Variants in HTR4 observed in about 807,000 individuals in gnomAD.
HTR4 encodes 5-hydroxytryptamine receptor 4, also known as 5-hydroxytryptamine (serotonin) receptor 4, G protein-coupled.
In HTR4, 16 loss-of-function variants were observed where a neutral mutation model predicts 36.8. The ratio of observed to expected loss-of-function variants is 0.43; its 90% CI spans 0.29 to 0.66. The LOEUF is 0.66. Ranked by LOEUF, HTR4 falls within the 30% of genes least tolerant of loss-of-function variation. HTR4 has a pLI of 0.13. For missense variants in HTR4, 438 were observed against 490.9 expected (o/e 0.89, Z 1.02); for synonymous variants, 189 against 185.1 (o/e 1.02, Z -0.17).
intron 2 of HTR4, among the ~76,000 whole-genome samples, chr5:148,611,178 G>A (rs1451839806): frequency 1.9e-4 from 27 of 143,712 alleles, no homozygotes; most frequent in Admixed American, 1.3e-3. Flanking sequence ...TACAGAGAAC[G>A]CCACAAAGAT....
intron 4 of HTR4, among the ~76,000 whole-genome samples, chr5:148,528,225 G>A (rs1312472072): frequency 6.6e-6 from 1 of 152,190 alleles, no homozygotes; most frequent in East Asian, 1.9e-4. Flanking sequence ...ACTGAATTAT[G>A]TCTAGGTATA....
At chr5:148,510,723 A>C (rs1308157359) in intron 5 of HTR4, among the ~76,000 whole-genome samples, 2 of 152,228 alleles carry the variant, frequency 1.3e-5, no homozygotes, top group African/African-American at 4.8e-5. Context: ...GGGGGATGCC[A>C]TGGGGCACTT....
intron 2 of HTR4, among the ~76,000 whole-genome samples, chr5:148,559,637 C>T (rs548184094): frequency 9.9e-5 from 15 of 152,182 alleles, no homozygotes; most frequent in East Asian, 1.9e-4. Context: ...AATAAAACTC[C>T]GATGGACAAT....
At chr5:148,489,455 T>C (rs1242465524) in intron 6 of HTR4, among the ~76,000 whole-genome samples, 2 of 152,062 alleles carry the variant, frequency 1.3e-5, no homozygotes, top group Non-Finnish European at 2.9e-5. Flanking sequence ...GTCAGGTACA[T>C]AAAGAATACT....
intron 2 of HTR4, among the ~76,000 whole-genome samples, chr5:148,587,153 T>G (rs1036529839): frequency 6.6e-6 from 1 of 152,196 alleles, no homozygotes; most frequent in Non-Finnish European, 1.5e-5. Context: ...GTGCAATTTC[T>G]TCAGCTGCTA....
rs114138283 is a variant in HTR4, at chr5:148,600,434, T to C, written c.26+36555A>G. 5.1e-3 allele frequency among the ~76,000 whole-genome samples: 770 copies of C among 150,570 alleles called. 6 individuals are homozygous for C. Among genetic ancestry groups the C allele is most frequent in the African/African-American group, 0.017 (704 of 41,260 alleles). On this transcript the variant is annotated intron_variant, in intron 2 of 6. Coordinates refer to ENST00000377888, the MANE Select transcript of HTR4 (RefSeq NM_000870.7). The stretch of plus-strand genomic sequence containing the variant: ...ACTAGGCTTATTTCAACAGGACTGA[T>C]AGGGATGACATATTCCTATATGTAG...
intron 4 of HTR4, among the ~76,000 whole-genome samples, chr5:148,538,563 C>T (rs1226332569): frequency 6.6e-6 from 1 of 152,102 alleles, no homozygotes; most frequent in Non-Finnish European, 1.5e-5. Flanking sequence ...AAATCACTAG[C>T]ATTCCTATAT....
intron 4 of HTR4, among the ~76,000 whole-genome samples, chr5:148,538,005 A>G (rs1202385918): frequency 6.6e-6 from 1 of 152,184 alleles, no homozygotes; most frequent in Non-Finnish European, 1.5e-5. Context: ...AACTGAATCC[A>G]GCAGCACATC....
intron 1 of HTR4, among the ~76,000 whole-genome samples, chr5:148,639,022 G>T (rs529181237): frequency 2.6e-5 from 4 of 151,934 alleles, no homozygotes; most frequent in Non-Finnish European, 5.9e-5. Flanking sequence ...ACTCCAGCCT[G>T]GGTGACAAAG....
At chr5:148,452,661 G>T (rs1272942886) in intron 5 of HTR4, among the ~76,000 whole-genome samples, 1 of 152,104 alleles carries the variant, frequency 6.6e-6, no homozygotes, top group Non-Finnish European at 1.5e-5. Context: ...GAAGAACAGG[G>T]CCTCAGTGAA....
chr5:148,494,304 C>A (rs1756584415), intron 6 of HTR4, among the ~76,000 whole-genome samples: 1 of 152,134 alleles, frequency 6.6e-6, no homozygotes, highest in Non-Finnish European at 1.5e-5. Context: ...ATGGTACCTG[C>A]CCTCATAGAC....
intron 5 of HTR4, among the ~76,000 whole-genome samples, chr5:148,514,663 A>T (rs1173133265): frequency 1.3e-5 from 2 of 152,118 alleles, no homozygotes; most frequent in African/African-American, 4.8e-5. Flanking sequence ...CACCTATATG[A>T]TATACTCACA....
intron 6 of HTR4, among the ~76,000 whole-genome samples, chr5:148,491,277 C>T (rs1756418109): frequency 6.6e-6 from 1 of 152,120 alleles, no homozygotes; most frequent in Non-Finnish European, 1.5e-5. Context: ...AGTTCAGGAC[C>T]CTTCCTCCTA....
intron 6 of HTR4, among the ~76,000 whole-genome samples, chr5:148,506,503 A>G (rs1757223318): frequency 1.3e-5 from 2 of 152,232 alleles, no homozygotes; most frequent in South Asian, 2.1e-4. Context: ...CAACGGCAAC[A>G]GAAGCTAAAA....
chr5:148,606,472 A>G (rs965935901), intron 2 of HTR4, among the ~76,000 whole-genome samples: 2 of 152,226 alleles, frequency 1.3e-5, no homozygotes, highest in Non-Finnish European at 2.9e-5. Context: ...AGCTATGTAC[A>G]TATTTAAATT....
chr5:148,554,016 G>A (rs1581468815), intron 2 of HTR4, among the ~76,000 whole-genome samples: 1 of 152,202 alleles, frequency 6.6e-6, no homozygotes, highest in Admixed American at 6.5e-5. Flanking sequence ...ATAGAATGTG[G>A]TATATACATA....
At chr5:148,541,755 G>T (rs1433376787) in intron 4 of HTR4, among the ~76,000 whole-genome samples, 1 of 152,198 alleles carries the variant, frequency 6.6e-6, no homozygotes, top group Non-Finnish European at 1.5e-5. Context: ...AGCAGTGAAA[G>T]CTGAGCTAAG....
intron 6 of HTR4, among the ~76,000 whole-genome samples, chr5:148,502,707 GA>G (rs1464476149): frequency 6.6e-6 from 1 of 152,170 alleles, no homozygotes; most frequent in African/African-American, 2.4e-5. Context: ...AGCTAAAGGA[GA>G]AGTTTAAACC....
intron 2 of HTR4, among the ~76,000 whole-genome samples, chr5:148,606,027 G>T (rs1752145465): frequency 6.6e-6 from 1 of 152,164 alleles, no homozygotes; most frequent in Admixed American, 6.5e-5. Flanking sequence ...TGGTAGAAGA[G>T]AAGTTCAACA....
Sources: allele counts gnomAD v4.1 joint callset (sites outside exome capture counted in the v4.1 genomes callset), GRCh38; gene constraint gnomAD v4.1.1; transcripts MANE v1.5; gene names NCBI Gene and HGNC (gene_info 2026-07-23, HGNC 2026-07-21).